ICA1: variants seen among roughly 807,000 people sequenced by gnomAD.
ICA1 encodes islet cell autoantigen 1.
In ICA1, 40 loss-of-function variants were observed where a neutral mutation model predicts 71.0. The ratio of observed to expected loss-of-function variants is 0.56; its 90% CI spans 0.44 to 0.73. The LOEUF is 0.73. ICA1 is among the 30% of genes least tolerant of loss of function. ICA1 has a pLI of 0.00. For synonymous variants in ICA1, 207 were observed against 209.5 expected (o/e 0.99, Z 0.10); for missense variants, 578 against 576.5 (o/e 1.00, Z -0.03).
intron 6 of ICA1, among the ~76,000 whole-genome samples, chr7:8,175,913 C>T (rs3779368): frequency 0.23 from 35,556 of 152,148 alleles, 4,367 homozygotes; most frequent in African/African-American, 0.29. Flanking sequence ...GTGATTCTCC[C>T]TTGTTTATCC....
intron 6 of ICA1, among the ~76,000 whole-genome samples, chr7:8,183,386 C>T (rs938338339): frequency 1.3e-5 from 2 of 152,174 alleles, no homozygotes; most frequent in Non-Finnish European, 2.9e-5. Flanking sequence ...AATGCAGCCA[C>T]ATTGGAATAT....
chr7:8,258,941 T>C (rs1488388148), intron 1 of ICA1, among the ~76,000 whole-genome samples: 1 of 152,166 alleles, frequency 6.6e-6, no homozygotes, highest in Admixed American at 6.5e-5. Context: ...GGGTTGAGTA[T>C]CACATAAGAT....
chr7:8,117,920 T>C (rs925353166), intron 13 of ICA1, among the ~76,000 whole-genome samples: 1 of 152,242 alleles, frequency 6.6e-6, no homozygotes, highest in Non-Finnish European at 1.5e-5. Flanking sequence ...ACTCTATTTC[T>C]TAGTTTACAC....
At chr7:8,171,161 T>C (rs1808184025) in intron 6 of ICA1, among the ~76,000 whole-genome samples, 2 of 151,970 alleles carry the variant, frequency 1.3e-5, no homozygotes, top group Non-Finnish European at 2.9e-5. Flanking sequence ...CCTCATAAAA[T>C]GAACTGGGAA....
At chr7:8,237,360 T>C (rs944311745) in intron 1 of ICA1, among the ~76,000 whole-genome samples, 1 of 152,190 alleles carries the variant, frequency 6.6e-6, no homozygotes, top group Non-Finnish European at 1.5e-5. Flanking sequence ...AAAGAGGGTG[T>C]TCAAAGGAAA....
chr7:8,189,791 T>TGGGCAGGGGGCCC (rs1785010251), intron 6 of ICA1, among the ~76,000 whole-genome samples: 1 of 138,038 alleles, frequency 7.2e-6, no homozygotes, highest in Non-Finnish European at 1.6e-5. Context: ...GCAGGGGGGC[T>TGGGCAGGGGGCCC]GGGCAGGGGG....
chr7:8,128,023 A>G lies in ICA1; in HGVS notation c.1180T>C (p.Trp394Arg). Residue 394 changes from tryptophan (W) to arginine (R), a missense_variant, in exon 13 of 14, where the codon TGG becomes CGG. By Grantham distance (101) the Trp-to-Arg change is moderately radical (BLOSUM62 -3). Transcript: ENST00000402384. ...SLEEGEFSKEWAAVFGDGQVK... is the reference protein window; with the variant it reads ...SLEEGEFSKERAAVFGDGQVK... ...TGGCCGTCTCCAAACACAGCGGCCCACTCTTTGCTGAACTCGCCCTCTTCC... is the reference window on the plus strand; with the variant it reads ...TGGCCGTCTCCAAACACAGCGGCCCGCTCTTTGCTGAACTCGCCCTCTTCC... 6.2e-7 allele frequency: 1 copy of G among 1,614,108 alleles called. No homozygotes were observed. Among genetic ancestry groups the G allele is most frequent in the Non-Finnish European group, 8.5e-7 (1 of 1,180,016 alleles).
chr7:8,257,933 A>G (rs1245971083), intron 1 of ICA1, among the ~76,000 whole-genome samples: 1 of 152,092 alleles, frequency 6.6e-6, no homozygotes, highest in Non-Finnish European at 1.5e-5. Flanking sequence ...TTACTTGTTG[A>G]CTTTTGTACA....
intron 12 of ICA1, among the ~76,000 whole-genome samples, chr7:8,134,453 C>T (rs557708734): frequency 1.6e-4 from 25 of 152,094 alleles, no homozygotes; most frequent in African/African-American, 5.6e-4. Context: ...AGACCGAAAA[C>T]GAGAGCACAG....
chr7:8,157,363 A>G (rs1802005736), intron 7 of ICA1, 149 bp from the exon 8 acceptor site: 1 of 779,524 alleles, frequency 1.3e-6, no homozygotes, highest in East Asian at 2.8e-5. Flanking sequence ...CCCCAATTAC[A>G]CTCTGTATTT....
chr7:8,217,736 T>G (rs1056821256), intron 6 of ICA1, among the ~76,000 whole-genome samples: 1 of 152,164 alleles, frequency 6.6e-6, no homozygotes, highest in African/African-American at 2.4e-5. Flanking sequence ...CCAACAAGAT[T>G]GTTCTTTACT....
intron 13 of ICA1, among the ~76,000 whole-genome samples, chr7:8,124,183 G>A (rs1032808939): frequency 2.0e-5 from 3 of 148,416 alleles, no homozygotes; most frequent in Non-Finnish European, 3.0e-5. Flanking sequence ...TGCAGTGGCG[G>A]GATCTCGGCT....
chr7:8,151,687 G>C (rs1454089048), intron 8 of ICA1, among the ~76,000 whole-genome samples: 2 of 152,240 alleles, frequency 1.3e-5, no homozygotes, highest in African/African-American at 2.4e-5. Flanking sequence ...CATGTGGCCG[G>C]TTGGTAAATG....
intron 6 of ICA1, among the ~76,000 whole-genome samples, chr7:8,200,198 C>A: frequency 6.6e-6 from 1 of 150,888 alleles, no homozygotes. Context: ...TACTATGTAC[C>A]CACAAAAAAT....
intron 6 of ICA1, among the ~76,000 whole-genome samples, chr7:8,197,726 G>A (rs1486187102): frequency 6.6e-6 from 1 of 151,820 alleles, no homozygotes; most frequent in Non-Finnish European, 1.5e-5. Context: ...AAGAAGATGG[G>A]AAAAGAGCTA....
chr7:8,255,975 A>G (rs182241219), intron 1 of ICA1, among the ~76,000 whole-genome samples: 4 of 151,656 alleles, frequency 2.6e-5, no homozygotes, highest in Non-Finnish European at 5.9e-5. Context: ...AGTTCTCACT[A>G]TGTTGCCCAG....
At chr7:8,169,462 C>T (rs1807447860) in intron 6 of ICA1, among the ~76,000 whole-genome samples, 1 of 152,098 alleles carries the variant, frequency 6.6e-6, no homozygotes, top group African/African-American at 2.4e-5. Flanking sequence ...GTAACTGCAT[C>T]ATTTTGTATT....
intron 6 of ICA1, among the ~76,000 whole-genome samples, chr7:8,215,866 A>C (rs1795249304): frequency 6.6e-6 from 1 of 152,218 alleles, no homozygotes; most frequent in South Asian, 2.1e-4. Flanking sequence ...GCAGCTGGAT[A>C]GCTCTCCTAG....
chr7:8,239,788 C>T (rs1393009994), intron 1 of ICA1, among the ~76,000 whole-genome samples: 1 of 152,250 alleles, frequency 6.6e-6, no homozygotes, highest in Non-Finnish European at 1.5e-5. Context: ...TGAAGCCTTG[C>T]TCACTGCTAG....
Sources: gnomAD v4.1 joint callset for allele counts (sites outside exome capture counted in the v4.1 genomes callset) on GRCh38, gnomAD v4.1.1 for gene constraint, MANE v1.5 for transcripts, NCBI Gene and HGNC (gene_info 2026-07-23, HGNC 2026-07-21) for gene names.